The following ANKS3 variants were observed in gnomAD, a reference collection of about 807,000 sequenced individuals.
The protein encoded by ANKS3 is ankyrin repeat and sterile alpha motif domain containing 3.
Under a neutral mutation model 80.7 loss-of-function variants are expected in ANKS3, and 62 were observed. The observed-to-expected ratio is 0.77, with a 90% CI of 0.63 to 0.95. The LOEUF is 0.95. Among genes scored for constraint, ANKS3 ranks in the 40% least tolerant of loss-of-function variants. The pLI is 0.00. For synonymous variants in ANKS3, 489 were observed against 355.3 expected, an observed-to-expected ratio of 1.38 and a Z score of -4.23; for missense variants, 1,150 against 883.6, an observed-to-expected ratio of 1.30 and a Z score of -3.82.
chr16:4,728,475 A>AG (rs1020820370), intron 3 of ANKS3, among the ~76,000 whole-genome samples: 17 of 152,096 alleles, frequency 1.1e-4, no homozygotes, highest in African/African-American at 3.9e-4. Context: ...GCCCCTGGCC[A>AG]GGGGGGCTGC....
intron 7 of ANKS3, among the ~76,000 whole-genome samples, chr16:4,713,810 A>G (rs1371657176): frequency 6.6e-6 from 1 of 152,248 alleles, no homozygotes; most frequent in Non-Finnish European, 1.5e-5. Flanking sequence ...GTAGTCAAGC[A>G]TACTACAGAA....
intron 2 of ANKS3, among the ~76,000 whole-genome samples, chr16:4,730,783 C>T (rs1338398674): frequency 6.6e-6 from 1 of 151,700 alleles, no homozygotes; most frequent in Non-Finnish European, 1.5e-5. Context: ...ACTGAGGAGG[C>T]GGAGGTTGCG....
At chr16:4,701,968 C>G in intron 9 of ANKS3, 134 bp downstream of exon 9, 1 of 1,155,994 alleles carries the variant, frequency 8.7e-7, no homozygotes, top group Non-Finnish European at 1.2e-6. Flanking sequence ...CCAGGGCCGT[C>G]CACACCTACC....
At chr16:4,719,322 G>C (rs2080964572) in intron 6 of ANKS3, among the ~76,000 whole-genome samples, 1 of 152,140 alleles carries the variant, frequency 6.6e-6, no homozygotes, top group Non-Finnish European at 1.5e-5. Flanking sequence ...AACAGAGTGA[G>C]ACTCTGTCTC....
At chr16:4,724,402 G>A (rs2081252877) in intron 6 of ANKS3, among the ~76,000 whole-genome samples, 1 of 152,178 alleles carries the variant, frequency 6.6e-6, no homozygotes, top group Non-Finnish European at 1.5e-5. Flanking sequence ...AACCAAGTGG[G>A]CATCAGGGAG....
At chr16:4,712,774 G>A (rs551145477) in intron 7 of ANKS3, among the ~76,000 whole-genome samples, 1 of 152,260 alleles carries the variant, frequency 6.6e-6, no homozygotes, top group East Asian at 1.9e-4. Context: ...TCTCCACTAT[G>A]TTGAACAATG....
Position 4,705,149 on chromosome 16 carries a change from G to C in ANKS3, c.814C>G (p.Leu272Val). The stretch of plus-strand genomic sequence containing the variant: ...AGGCCAATGCCTGTGATCCTGGCCA[G>C]GGCTCGCGGTCCCTCGTGGATGCTG... ...GVSIHEGPRALARITGIGLGG... is the reference protein window; with the variant it reads ...GVSIHEGPRAVARITGIGLGG... Residue 272 changes from leucine (L) to valine (V), a missense_variant, in exon 8 of 18, where the codon CTG becomes GTG. Physicochemically the swap from Leu to Val is conservative, Grantham distance 32. Transcript: ENST00000304283. 1 of 1,613,678 alleles carries C rather than the reference G, an allele frequency of 6.2e-7. No individual in the cohort carries two copies. The highest frequency in any genetic ancestry group is 8.5e-7 in the Non-Finnish European group (1 of 1,180,040).
intron 2 of ANKS3, 100 bp from the exon 3 acceptor site, chr16:4,730,251 T>C (rs924282763): frequency 7.5e-6 from 9 of 1,206,268 alleles, no homozygotes; most frequent in Non-Finnish European, 9.7e-6. Context: ...ACTAGCAGAC[T>C]GATAACCCAG....
intron 3 of ANKS3, among the ~76,000 whole-genome samples, chr16:4,728,802 G>A (rs2081484291): frequency 6.6e-6 from 1 of 152,166 alleles, no homozygotes; most frequent in South Asian, 2.1e-4. Flanking sequence ...GTGACCCTTT[G>A]AGGGGCCGTA....
At chr16:4,731,608 T>C in intron 1 of ANKS3, 29 bp from the exon 2 acceptor site, 2 of 920,600 alleles carry the variant, frequency 2.2e-6, no homozygotes, top group Non-Finnish European at 1.3e-6. Context: ...AATTAATTTT[T>C]CTGGAATGGT....
intron 8 of ANKS3, among the ~76,000 whole-genome samples, chr16:4,703,393 G>A (rs1184999592): frequency 2.0e-5 from 3 of 151,574 alleles, no homozygotes; most frequent in East Asian, 1.9e-4. Context: ...GGGATTACAG[G>A]TATAAGCCAC....
rs1285425620 is a variant in ANKS3 at position 4,696,699 on chromosome 16, C to T, written c.*209G>A. ...TCACCACGAGGTTCTGGGTGAGGCC[C>T]TCGTCCCGCCTCAGTGCTGGCCCGA... On this transcript the variant is annotated 3_prime_UTR_variant, in exon 18 of 18. Coordinates refer to ENST00000304283, the MANE Select transcript of ANKS3 (RefSeq NM_133450.4). The T allele has an allele frequency of 1.2e-5, 5 of 419,914 alleles. No individual in the cohort carries two copies. Among genetic ancestry groups the T allele is most frequent in the Non-Finnish European group, 1.3e-5 (3 of 225,392 alleles). The allele number at this position is 419,914 out of a possible 1,614,324, so 26.0% of individuals were successfully genotyped here. A position where few individuals can be genotyped will look rare whatever the true frequency, so the allele number is the denominator to read the frequency against.
chr16:4,725,009 A>C (rs1313719911), intron 5 of ANKS3, 178 bp from the exon 6 acceptor site: 1 of 526,004 alleles, frequency 1.9e-6, no homozygotes, highest in Non-Finnish European at 3.4e-6. Context: ...CATCAGCTCC[A>C]TTTACTCTTC....
chr16:4,701,396 G>C (rs769913312), intron 10 of ANKS3, 38 bp downstream of exon 10: 1 of 1,531,874 alleles, frequency 6.5e-7, no homozygotes, highest in East Asian at 2.3e-5. Context: ...CCCAGCCAGG[G>C]ACCGGCTATG....
chr16:4,728,326 G>A (rs1387826608), intron 3 of ANKS3, among the ~76,000 whole-genome samples: 1 of 152,160 alleles, frequency 6.6e-6, no homozygotes, highest in Non-Finnish European at 1.5e-5. Context: ...TTACAGGCGT[G>A]AGCCACCGCG....
At chr16:4,729,951 G>C in intron 3 of ANKS3, 29 bp downstream of exon 3, 1 of 1,452,290 alleles carries the variant, frequency 6.9e-7, no homozygotes, top group Non-Finnish European at 9.2e-7. Context: ...TGCTCAAAAT[G>C]TGAGAGGAAG....
In ANKS3 at chr16:4,696,999, A is replaced by G; in HGVS notation, c.*11+18T>C. ...CTGCTGCTCCCACCACGCGGGATCC[A>G]GGCTGGCAGACACTCACCGGCCCGC... On this transcript the variant is annotated intron_variant, in intron 17 of 17. Coordinates refer to ENST00000304283, the MANE Select transcript of ANKS3 (RefSeq NM_133450.4). The G allele has an allele frequency of 6.2e-7, 1 of 1,610,174 alleles. No homozygotes were observed. Among genetic ancestry groups the G allele is most frequent in the Non-Finnish European group, 8.5e-7 (1 of 1,178,494 alleles).
intron 7 of ANKS3, among the ~76,000 whole-genome samples, chr16:4,708,764 C>T (rs1054837325): frequency 2.9e-5 from 4 of 137,104 alleles, no homozygotes; most frequent in African/African-American, 1.0e-4. Context: ...GAAACCCTGT[C>T]TCTACTAAAA....
At chr16:4,726,853 T>C (rs1330864264) in intron 4 of ANKS3, 73 bp from the exon 5 acceptor site, 16 of 1,597,422 alleles carry the variant, frequency 1.0e-5, no homozygotes, top group African/African-American at 2.7e-5. Flanking sequence ...CAGGCGGCCA[T>C]GCTGCAAGAA....
Sources: gnomAD v4.1 joint callset for allele counts (sites outside exome capture counted in the v4.1 genomes callset) on GRCh38, gnomAD v4.1.1 for gene constraint, MANE v1.5 for transcripts, NCBI Gene and HGNC (gene_info 2026-07-23, HGNC 2026-07-21) for gene names.